Variants in SLC6A11 observed in about 807,000 individuals in gnomAD.
SLC6A11 encodes the protein sodium- and chloride-dependent GABA transporter 3.
SLC6A11 carries 25 observed loss-of-function variants against 74.8 expected under a neutral mutation model. That is an observed-to-expected ratio of 0.33 (90% CI 0.24 to 0.47). SLC6A11 has a LOEUF of 0.47. SLC6A11 is among the 20% of genes least tolerant of loss of function. The pLI is 1.00. For synonymous variants in SLC6A11, 330 were observed against 330.2 expected, an observed-to-expected ratio of 1.00 and a Z score of 0.01; for missense variants, 574 against 837.0, an observed-to-expected ratio of 0.69 and a Z score of 3.88.
In SLC6A11 at chr3:10,844,290, G is replaced by T. The variant is rs1329569756; in HGVS notation, c.700G>T (p.Ala234Ser). The T allele has an allele frequency of 6.2e-7, 1 of 1,614,092 alleles. No individual in the cohort carries two copies. Among genetic ancestry groups the T allele is most frequent in the Non-Finnish European group, 8.5e-7 (1 of 1,180,052 alleles). The change falls in exon 5 of 14, where the codon GCA becomes TCA. Residue 234 changes from alanine to serine, a missense_variant. Physicochemically the swap from Ala to Ser is moderately conservative, Grantham distance 99. This residue lies in a region of SLC6A11 where 215 missense variants were observed against 357.9 expected (regional missense o/e 0.60). Coordinates refer to ENST00000254488, the MANE Select transcript of SLC6A11 (RefSeq NM_014229.3). Reference protein sequence around the residue: ...LRWELALCLLAAWTICYFCIW... With the variant: ...LRWELALCLLSAWTICYFCIW... ...CTGGGAGCTGGCCTTGTGTCTCTTG[G>T]CAGCCTGGACCATCTGTTACTTCTG...
At chr3:10,857,657 C>T (rs1694654449) in intron 5 of SLC6A11, among the ~76,000 whole-genome samples, 1 of 152,146 alleles carries the variant, frequency 6.6e-6, no homozygotes, top group African/African-American at 2.4e-5. Flanking sequence ...ATAGTACCAA[C>T]ACCCAGGAAA....
chr3:10,931,862 T>C (rs1051530088), intron 10 of SLC6A11, among the ~76,000 whole-genome samples: 5 of 152,158 alleles, frequency 3.3e-5, no homozygotes, highest in Non-Finnish European at 7.4e-5. Flanking sequence ...ACGAGTCCCA[T>C]GGTGTGTGGT....
At chr3:10,896,156 C>T (rs1244485673) in intron 6 of SLC6A11, among the ~76,000 whole-genome samples, 1 of 152,200 alleles carries the variant, frequency 6.6e-6, no homozygotes, top group Non-Finnish European at 1.5e-5. Flanking sequence ...TGGGCCTGGC[C>T]TCCTGCCCTT....
At chr3:10,917,894 A>G (rs879858317) in intron 7 of SLC6A11, among the ~76,000 whole-genome samples, 33 of 152,132 alleles carry the variant, frequency 2.2e-4, no homozygotes, top group Admixed American at 1.4e-3. Context: ...TGCAAGGCCC[A>G]TGGTTTCTCC....
chr3:10,904,927 G>A (rs1417343677), intron 6 of SLC6A11, among the ~76,000 whole-genome samples: 1 of 152,218 alleles, frequency 6.6e-6, no homozygotes. Context: ...AGCAAATTAT[G>A]AGATTGTGTA....
intron 4 of SLC6A11, chr3:10,824,897 ATC>A (rs911503343): frequency 2.6e-5 from 4 of 152,238 alleles, no homozygotes; most frequent in African/African-American, 4.8e-5. Context: ...AAAGAAATTA[ATC>A]TAGGCCAGGC....
In SLC6A11 at chr3:10,816,404, G is replaced by A. The variant is rs1228900856; in HGVS notation, c.139G>A (p.Val47Ile). The change falls in exon 1 of 14, where the codon GTC becomes ATC. Residue 47 changes from valine to isoleucine, a missense_variant. Transcript: ENST00000254488. The surrounding 1 kb of genome is among the most constrained non-coding windows in gnomAD (Gnocchi z 4.2). ...CCCGCGCGTCAAGCGCGACAAGGCGGTCCACGAGCGCGGCCACTGGAACAA... is the reference window on the plus strand; with the variant it reads ...CCCGCGCGTCAAGCGCGACAAGGCGATCCACGAGCGCGGCCACTGGAACAA... The part of the protein sequence containing the change: ...RHPRVKRDKA[V>I]HERGHWNNKV... 5 of 1,588,288 alleles carry A rather than the reference G, an allele frequency of 3.1e-6. No individual in the cohort carries two copies. Among genetic ancestry groups the A allele is most frequent in the Non-Finnish European group, 4.3e-6 (5 of 1,168,284 alleles).
rs778449777 is a variant in SLC6A11, at chr3:10,816,395, G to T, written c.130G>T (p.Asp44Tyr). 2 of 1,569,326 alleles carry T rather than the reference G, an allele frequency of 1.3e-6. No homozygotes were observed. Among genetic ancestry groups the T allele is most frequent in the East Asian group, 4.9e-5 (2 of 40,708 alleles). ...APARHPRVKR[D>Y]KAVHERGHWN... The stretch of plus-strand genomic sequence containing the variant: ...CGCGCGCCACCCGCGCGTCAAGCGC[G>T]ACAAGGCGGTCCACGAGCGCGGCCA... Residue 44 changes from aspartate to tyrosine, a missense_variant, in exon 1 of 14, where the codon GAC becomes TAC. Asp to Tyr is a radical substitution (Grantham distance 160). This residue lies in a region of SLC6A11 where 86 missense variants were observed against 87.4 expected (regional missense o/e 0.98). Coordinates refer to ENST00000254488, the MANE Select transcript of SLC6A11 (RefSeq NM_014229.3). This position sits in a 1 kb window ranked among gnomAD's most constrained non-coding sequence, Gnocchi z 4.2.
chr3:10,861,800 C>A (rs1340679448), intron 5 of SLC6A11, among the ~76,000 whole-genome samples: 2 of 152,182 alleles, frequency 1.3e-5, no homozygotes, highest in African/African-American at 4.8e-5. Flanking sequence ...AGCATTGATT[C>A]TTCTTCCAAG....
chr3:10,873,627 A>ATCCTG (rs57475025), intron 5 of SLC6A11, among the ~76,000 whole-genome samples: 57,762 of 135,428 alleles, frequency 0.43, 13,251 homozygotes, highest in South Asian at 0.68. Flanking sequence ...ATCCTATCCT[A>ATCCTG]TCCTGTCCTG....
chr3:10,934,948 C>T lies in SLC6A11; in HGVS notation c.1576-81C>T, dbSNP rs1287243295. 85 of 1,261,994 alleles carry T rather than the reference C, an allele frequency of 6.7e-5. 1 individual carries two copies. Among genetic ancestry groups the T allele is most frequent in the Non-Finnish European group, 8.6e-5 (76 of 888,086 alleles). The allele number at this position is 1,261,994 out of a possible 1,614,324, so 78.2% of individuals were successfully genotyped here. On this transcript the variant is annotated intron_variant, in intron 12 of 13. Coordinates refer to ENST00000254488, the MANE Select transcript of SLC6A11 (RefSeq NM_014229.3). ...CCTCCCCTGCCAGCCTCTGGCTAGT[C>T]TGTTCCTGGGCCTCAGACCCCTCAT... is the stretch of plus-strand genomic sequence containing the variant.
At chr3:10,885,219 C>A (rs909731455) in intron 6 of SLC6A11, among the ~76,000 whole-genome samples, 1 of 152,110 alleles carries the variant, frequency 6.6e-6, no homozygotes, top group South Asian at 2.1e-4. Flanking sequence ...TCTTTAAAAT[C>A]TTTTATACTA....
intron 5 of SLC6A11, among the ~76,000 whole-genome samples, chr3:10,852,432 T>A (rs1694587871): frequency 6.6e-6 from 1 of 152,248 alleles, no homozygotes; most frequent in South Asian, 2.1e-4. Flanking sequence ...TGGCCTTGAA[T>A]GACAGGGCTT....
Position 10,912,167 on chromosome 3 carries a change from T to C in SLC6A11, c.969T>C (p.Tyr323=). Residue 323 remains tyrosine (Y), a synonymous_variant, in exon 7 of 14, where the codon TAT becomes TAC. Coordinates refer to ENST00000254488, the MANE Select transcript of SLC6A11 (RefSeq NM_014229.3). ...GCTGTCTGACCGCTCTGGGAAGTTA[T>C]AACAATTATAACAACAACTGCTACA... is the stretch of plus-strand genomic sequence containing the variant. ...CLGCLTALGS[Y]NNYNNNCYRD... is the part of the protein sequence containing the mutation. 6.2e-7 allele frequency: 1 copy of C among 1,612,446 alleles called. No individual in the cohort carries two copies.
At chr3:10,887,473 T>G (rs1695058468) in intron 6 of SLC6A11, among the ~76,000 whole-genome samples, 1 of 152,024 alleles carries the variant, frequency 6.6e-6, no homozygotes, top group African/African-American at 2.4e-5. Context: ...TGAGATGGAG[T>G]CTCACTCTGT....
chr3:10,819,641 A>G, intron 2 of SLC6A11, 42 bp downstream of exon 2: 1 of 1,609,674 alleles, frequency 6.2e-7, no homozygotes, highest in Non-Finnish European at 8.5e-7. Context: ...TTGCCCAGGG[A>G]ATGTCAACTG....
intron 6 of SLC6A11, among the ~76,000 whole-genome samples, chr3:10,902,067 T>TGTCTGTGTGTGTGTGG (rs1220351212): frequency 1.4e-5 from 2 of 144,156 alleles, no homozygotes; most frequent in African/African-American, 2.7e-5. Flanking sequence ...TGTGTGCGTG[T>TGTCTGTGTGTGTGTGG]GTCTGTGTGT....
At chr3:10,882,307 G>A (rs953631233) in intron 6 of SLC6A11, among the ~76,000 whole-genome samples, 1 of 152,214 alleles carries the variant, frequency 6.6e-6, no homozygotes, top group African/African-American at 2.4e-5. Flanking sequence ...AAAATTGTTT[G>A]AAAGTCTAAC....
chr3:10,823,470 C>G, intron 4 of SLC6A11, 78 bp downstream of exon 4: 1 of 975,174 alleles, frequency 1.0e-6, no homozygotes, highest in African/African-American at 1.6e-5. Flanking sequence ...TGCCCCTATT[C>G]CTGGAAAAAG....
Sources: gnomAD v4.1 joint callset for allele counts (sites outside exome capture counted in the v4.1 genomes callset) on GRCh38, gnomAD v4.1.1 for gene constraint, gnomAD v4.1.1 regional missense constraint, Gnocchi (gnomAD v3.1) non-coding constraint, MANE v1.5 for transcripts, NCBI Gene and HGNC (gene_info 2026-07-23, HGNC 2026-07-21) for gene names.